MATN2: variants seen among roughly 807,000 people sequenced by gnomAD.
MATN2 encodes the protein matrilin 2.
A neutral mutation model predicts 103.2 loss-of-function variants in MATN2; 69 were observed. That is an observed-to-expected ratio of 0.67 (90% CI 0.55 to 0.82). The LOEUF (loss-of-function observed/expected upper bound fraction) is 0.82, where lower values mean the gene tolerates loss of function less well. Among genes scored for constraint, MATN2 ranks in the 40% least tolerant of loss-of-function variants. MATN2 has a pLI of 0.00. For synonymous variants in MATN2, 429 were observed against 450.2 expected (o/e 0.95, Z 0.60); for missense variants, 1,023 against 1,211.5 (o/e 0.84, Z 2.31).
chr8:97,934,369 T>C (rs1281258355), intron 3 of MATN2, among the ~76,000 whole-genome samples: 1 of 152,240 alleles, frequency 6.6e-6, no homozygotes, highest in Non-Finnish European at 1.5e-5. Context: ...CACTGTGTTA[T>C]GTATTATTAC....
chr8:97,990,960 C>CA (rs1224399524), intron 6 of MATN2, among the ~76,000 whole-genome samples: 7 of 152,144 alleles, frequency 4.6e-5, no homozygotes, highest in Admixed American at 3.9e-4. Flanking sequence ...GATACATATG[C>CA]AAAATGCATC....
At chr8:97,911,162 T>A (rs1809416249) in intron 2 of MATN2, among the ~76,000 whole-genome samples, 1 of 149,530 alleles carries the variant, frequency 6.7e-6, no homozygotes, top group Admixed American at 6.7e-5. Flanking sequence ...CTAATTTTTT[T>A]TTGTATTTTC....
chr8:98,009,435 A>G (rs1813084140), intron 10 of MATN2, among the ~76,000 whole-genome samples: 1 of 152,194 alleles, frequency 6.6e-6, no homozygotes, highest in Non-Finnish European at 1.5e-5. Context: ...GGCTCAGCAG[A>G]TAAGAGTGTC....
intron 7 of MATN2, among the ~76,000 whole-genome samples, chr8:97,999,715 C>T (rs1812715364): frequency 1.3e-5 from 2 of 152,136 alleles, no homozygotes. Context: ...GGGTCAGTGA[C>T]ACAGCAAGGT....
At chr8:98,016,052 T>A (rs541780856) in intron 10 of MATN2, among the ~76,000 whole-genome samples, 4 of 152,240 alleles carry the variant, frequency 2.6e-5, no homozygotes, top group African/African-American at 9.6e-5. Context: ...TGTATTCTCA[T>A]GTTTTTTGTT....
At chr8:97,918,855 CT>C (rs1563666882) in intron 2 of MATN2, among the ~76,000 whole-genome samples, 1 of 152,224 alleles carries the variant, frequency 6.6e-6, no homozygotes, top group Non-Finnish European at 1.5e-5. Flanking sequence ...CATTAATCCC[CT>C]GACTGTGCAC....
intron 11 of MATN2, among the ~76,000 whole-genome samples, chr8:98,017,514 A>G (rs1813404854): frequency 6.6e-6 from 1 of 152,218 alleles, no homozygotes; most frequent in Admixed American, 6.5e-5. Context: ...TCATGTTGAC[A>G]CTTTTGGAAG....
At chr8:97,870,032 G>A (rs539790488) in intron 1 of MATN2, among the ~76,000 whole-genome samples, 1 of 152,188 alleles carries the variant, frequency 6.6e-6, no homozygotes, top group Non-Finnish European at 1.5e-5. Context: ...ACTTAAAATC[G>A]GCCTTTAAGG....
intron 1 of MATN2, among the ~76,000 whole-genome samples, chr8:97,875,831 G>A (rs1002241017): frequency 2.7e-5 from 4 of 150,402 alleles, no homozygotes; most frequent in Admixed American, 1.3e-4. Flanking sequence ...GAGTAGCTGG[G>A]ACTACAGGTG....
Position 97,970,819 on chromosome 8 carries a change from C to T in MATN2, c.959-8067C>T, listed in dbSNP as rs138105726. The stretch of plus-strand genomic sequence containing the variant: ...AAAAAAAATCAGCTGGGTGTGGTGG[C>T]CAACACCTGTAGTCCCAGCTACTCA... On this transcript the variant is annotated intron_variant, in intron 5 of 18. Coordinates refer to ENST00000254898, the MANE Select transcript of MATN2 (RefSeq NM_002380.5). Among the ~76,000 whole-genome samples, 1,409 of 152,142 alleles carry T rather than the reference C, an allele frequency of 9.3e-3. 4 individuals carry two copies. Among genetic ancestry groups the T allele is most frequent in the Non-Finnish European group, 0.013 (874 of 67,996 alleles).
intron 1 of MATN2, among the ~76,000 whole-genome samples, chr8:97,874,105 C>T (rs1455475209): frequency 1.3e-5 from 2 of 152,206 alleles, no homozygotes; most frequent in African/African-American, 4.8e-5. Flanking sequence ...CCCTGAGATT[C>T]CCAGACGGTG....
intron 2 of MATN2, among the ~76,000 whole-genome samples, chr8:97,909,823 G>A (rs1165509675): frequency 2.0e-5 from 3 of 150,564 alleles, no homozygotes; most frequent in Non-Finnish European, 4.4e-5. Context: ...TCGCTCTGTC[G>A]CCCCGGCTGG....
At chr8:97,960,253 G>A (rs1005766815) in intron 4 of MATN2, among the ~76,000 whole-genome samples, 7 of 152,098 alleles carry the variant, frequency 4.6e-5, no homozygotes, top group African/African-American at 1.4e-4. Context: ...TACCACGCCC[G>A]GCCAGTGATA....
chr8:97,888,531 G>T, intron 2 of MATN2, among the ~76,000 whole-genome samples: 1 of 152,144 alleles, frequency 6.6e-6, no homozygotes, highest in Non-Finnish European at 1.5e-5. Context: ...CTTGTTGTTG[G>T]ACCTATCTGA....
At position 98,027,827 on chromosome 8, in the gene MATN2, A is replaced by G; in HGVS notation, c.2354A>G (p.Asn785Ser). 1 of 1,556,586 alleles carries G rather than the reference A, an allele frequency of 6.4e-7. No individual in the cohort carries two copies. The highest frequency in any genetic ancestry group is 2.0e-5 in the Admixed American group (1 of 49,176). ...GAGTGGGCCAGTAAAGCCAAGGCCA[A>G]TGGTAATATGGGGTGGAGGTGCGGT... ...VSEWASKAKANGITMYAVGVG... is the reference protein window; with the variant it reads ...VSEWASKAKASGITMYAVGVG... Residue 785 changes from asparagine (N) to serine (S), a missense_variant and splice_region_variant, in exon 14 of 19, where the codon AAT (asparagine) becomes AGT (serine). Asn to Ser is a conservative substitution (Grantham distance 46). Coordinates refer to ENST00000254898, the MANE Select transcript of MATN2 (RefSeq NM_002380.5).
rs912853123 is a variant in MATN2, at chr8:97,990,407, T to C, written c.1082-4073T>C. Among the ~76,000 whole-genome samples the C allele has an allele frequency of 9.8e-5, 15 of 152,292 alleles. No individual in the cohort carries two copies. In the East Asian group the frequency reaches 2.3e-3, roughly 23 times the overall value. On this transcript the variant is annotated intron_variant, in intron 6 of 18. Transcript: ENST00000254898. Reference sequence around the variant, plus strand: ...GATGGGGATACGGAGCAACTGGAACTCTCATAAATTGCTGGTGGGAATGTT... The same window carrying C: ...GATGGGGATACGGAGCAACTGGAACCCTCATAAATTGCTGGTGGGAATGTT...
intron 2 of MATN2, among the ~76,000 whole-genome samples, chr8:97,913,044 G>A (rs1478515469): frequency 1.3e-5 from 2 of 152,196 alleles, no homozygotes; most frequent in African/African-American, 2.4e-5. Context: ...CGTCTGTGCA[G>A]CTGCTGAGCA....
chr8:97,907,345 T>G (rs1819209527), intron 2 of MATN2, among the ~76,000 whole-genome samples: 1 of 145,330 alleles, frequency 6.9e-6, no homozygotes, highest in African/African-American at 2.6e-5. Flanking sequence ...GGAGTCTCGC[T>G]CTTTCCTCCA....
chr8:98,005,071 G>A lies in MATN2; in HGVS notation c.1327+1288G>A, dbSNP rs902563112. On this transcript the variant is annotated intron_variant, in intron 8 of 18. Transcript: ENST00000254898. This position sits in a 1 kb window ranked among gnomAD's most constrained non-coding sequence, Gnocchi z 4.6. ...AAGAGATAGATTGTGAGTGAGGACAGTGCAGCTGTTGAGCCCTGGGCTCCA... is the reference window on the plus strand; with the variant it reads ...AAGAGATAGATTGTGAGTGAGGACAATGCAGCTGTTGAGCCCTGGGCTCCA... Among the ~76,000 whole-genome samples, 8 of 152,238 alleles carry A rather than the reference G, an allele frequency of 5.3e-5. No individual in the cohort carries two copies. Among genetic ancestry groups the A allele is most frequent in the Non-Finnish European group, 1.0e-4 (7 of 68,046 alleles).
Sources: gnomAD v4.1 joint callset for allele counts (sites outside exome capture counted in the v4.1 genomes callset) on GRCh38, gnomAD v4.1.1 for gene constraint, Gnocchi (gnomAD v3.1) non-coding constraint, MANE v1.5 for transcripts, NCBI Gene and HGNC (gene_info 2026-07-23, HGNC 2026-07-21) for gene names.